DLG2: variants seen among roughly 807,000 people sequenced by gnomAD.
The protein encoded by DLG2 is discs large MAGUK scaffold protein 2, also known as disks large homolog 2.
Under a neutral mutation model 132.5 loss-of-function variants are expected in DLG2, and 45 were observed. The ratio of observed to expected loss-of-function variants is 0.34; its 90% CI spans 0.27 to 0.44. The LOEUF (loss-of-function observed/expected upper bound fraction) is 0.44. Among genes scored for constraint, DLG2 ranks in the 20% least tolerant of loss-of-function variants. The pLI is 1.00. For missense variants in DLG2, 1,045 were observed against 1,196.9 expected (o/e 0.87, Z 1.87); for synonymous variants, 424 against 419.6 (o/e 1.01, Z -0.13).
At chr11:83,535,078 G>A (rs1193821270) in intron 20 of DLG2, among the ~76,000 whole-genome samples, 1 of 152,190 alleles carries the variant, frequency 6.6e-6, no homozygotes, top group Admixed American at 6.5e-5. Flanking sequence ...GCTGCCAAGT[G>A]GAAAATGCTC....
chr11:84,141,420 G>A (rs2094841449), intron 9 of DLG2, among the ~76,000 whole-genome samples: 1 of 151,918 alleles, frequency 6.6e-6, no homozygotes, highest in Admixed American at 6.6e-5. Flanking sequence ...GTTTATACTT[G>A]TATATACATA....
At chr11:83,722,747 A>T (rs1017849615) in intron 18 of DLG2, among the ~76,000 whole-genome samples, 1 of 152,180 alleles carries the variant, frequency 6.6e-6, no homozygotes, top group East Asian at 1.9e-4. Context: ...ACTTTCTTAA[A>T]ATCAGTACAA....
At chr11:85,485,687 G>C (rs555163573) in intron 3 of DLG2, among the ~76,000 whole-genome samples, 3 of 152,154 alleles carry the variant, frequency 2.0e-5, no homozygotes, top group Non-Finnish European at 4.4e-5. Flanking sequence ...CTCACCGCAG[G>C]CTTTTGCATT....
chr11:84,915,670 T>C lies in DLG2; in HGVS notation c.357+195991A>G, dbSNP rs146499711. 3.7e-3 allele frequency among the ~76,000 whole-genome samples: 570 copies of C among 152,296 alleles called. 4 individuals carry two copies. Among genetic ancestry groups the C allele is most frequent in the Non-Finnish European group, 6.0e-3 (410 of 68,022 alleles). On this transcript the variant is annotated intron_variant, in intron 6 of 27. Coordinates refer to ENST00000376104, the MANE Select transcript of DLG2 (RefSeq NM_001142699.3). ...TAATGAACATTAGAGAGGAAATTAA[T>C]TAGAGATTAATTAATTAATCTTAAT...
chr11:85,295,710 T>C lies in DLG2; in HGVS notation c.41-10345A>G, dbSNP rs573569205. On this transcript the variant is annotated intron_variant, in intron 3 of 27. Transcript: ENST00000376104. Reference sequence around the variant, plus strand: ...TCAAACGCATGACTAGAATATCATTTAGAAAATTCTTCAGATCACCAGATG... The same window carrying C: ...TCAAACGCATGACTAGAATATCATTCAGAAAATTCTTCAGATCACCAGATG... Among the ~76,000 whole-genome samples the C allele has an allele frequency of 8.5e-5, 13 of 152,276 alleles. No individual in the cohort carries two copies. In the South Asian group the frequency reaches 2.5e-3, roughly 29 times the overall value.
rs74331061 is a variant in DLG2 at position 83,587,202 on chromosome 11, T to C, written c.1941-45344A>G. On this transcript the variant is annotated intron_variant, in intron 19 of 27. Transcript: ENST00000376104. ...GCTGCTTATAGTTTTTTTTAAATTA[T>C]CTTTTAATGTTTGGCTATAAGCAGC... Among the ~76,000 whole-genome samples the C allele has an allele frequency of 5.7e-3, 863 of 152,260 alleles. 5 individuals carry two copies. The highest frequency in any genetic ancestry group is 0.02 in the African/African-American group (813 of 41,560).
chr11:83,905,737 A>G (rs1375113208), intron 15 of DLG2, among the ~76,000 whole-genome samples: 1 of 152,146 alleles, frequency 6.6e-6, no homozygotes. Context: ...AAATGCCCCA[A>G]TGAACTTTCA....
At chr11:83,684,737 C>A (rs1397889899) in intron 18 of DLG2, among the ~76,000 whole-genome samples, 1 of 152,052 alleles carries the variant, frequency 6.6e-6, no homozygotes, top group Non-Finnish European at 1.5e-5. Flanking sequence ...CAGTGCCTTC[C>A]ACCTACATTT....
chr11:84,035,417 A>C (rs180872455), intron 11 of DLG2, among the ~76,000 whole-genome samples: 110 of 152,340 alleles, frequency 7.2e-4, no homozygotes, highest in African/African-American at 2.4e-3. Context: ...ATGAGGAAAA[A>C]TAAAGCCCTT....
intron 2 of DLG2, among the ~76,000 whole-genome samples, chr11:85,608,118 G>A (rs1002037714): frequency 5.3e-5 from 8 of 152,088 alleles, no homozygotes; most frequent in South Asian, 2.1e-4. Context: ...CTGCTGTGGC[G>A]GTGAGCACAA....
intron 7 of DLG2, among the ~76,000 whole-genome samples, chr11:84,494,261 C>G (rs2099173985): frequency 1.3e-5 from 2 of 152,154 alleles, no homozygotes; most frequent in South Asian, 4.1e-4. Context: ...AAAGAATATG[C>G]TGCCCATGCC....
intron 11 of DLG2, among the ~76,000 whole-genome samples, chr11:84,035,412 GA>G (rs1362334915): frequency 1.3e-5 from 2 of 152,096 alleles, no homozygotes; most frequent in Non-Finnish European, 2.9e-5. Context: ...ATACTATGAG[GA>G]AAAATAAAGC....
At chr11:85,447,758 A>T (rs1027874457) in intron 3 of DLG2, among the ~76,000 whole-genome samples, 2 of 152,206 alleles carry the variant, frequency 1.3e-5, no homozygotes, top group African/African-American at 4.8e-5. Flanking sequence ...CTGAAAAAAA[A>T]ATTATGAAAA....
intron 14 of DLG2, among the ~76,000 whole-genome samples, chr11:83,949,709 T>C (rs2084922462): frequency 6.6e-6 from 1 of 152,196 alleles, no homozygotes; most frequent in African/African-American, 2.4e-5. Flanking sequence ...CCTGCATAAC[T>C]GAAACTTTGT....
chr11:84,293,368 C>T (rs957039176), intron 7 of DLG2, among the ~76,000 whole-genome samples: 2 of 151,910 alleles, frequency 1.3e-5, no homozygotes, highest in African/African-American at 2.4e-5. Context: ...CCCTACTTTT[C>T]AATCACAATT....
intron 3 of DLG2, among the ~76,000 whole-genome samples, chr11:85,464,395 G>A (rs2153063273): frequency 6.6e-6 from 1 of 152,180 alleles, no homozygotes; most frequent in Non-Finnish European, 1.5e-5. Flanking sequence ...GGACAACTTG[G>A]TGGGCATGGG....
intron 3 of DLG2, among the ~76,000 whole-genome samples, chr11:85,357,916 G>A (rs1214607511): frequency 3.3e-5 from 5 of 151,582 alleles, no homozygotes; most frequent in African/African-American, 9.7e-5. Context: ...GTAAACAGAA[G>A]TATTAGGATT....
chr11:84,783,081 A>C (rs1411501093), intron 6 of DLG2, among the ~76,000 whole-genome samples: 3 of 152,132 alleles, frequency 2.0e-5, no homozygotes, highest in Non-Finnish European at 4.4e-5. Flanking sequence ...ATAATATCTA[A>C]AATCTAACAG....
At chr11:84,198,504 CAAGGAAATAAATACT>C (rs2096551775) in intron 8 of DLG2, among the ~76,000 whole-genome samples, 1 of 151,784 alleles carries the variant, frequency 6.6e-6, no homozygotes, top group Non-Finnish European at 1.5e-5. Flanking sequence ...TGGGGAAGCA[CAAGGAAATAAATACT>C]ATTACAATGT....
Sources: gnomAD v4.1 joint callset for allele counts (sites outside exome capture counted in the v4.1 genomes callset) on GRCh38, gnomAD v4.1.1 for gene constraint, MANE v1.5 for transcripts, NCBI Gene and HGNC (gene_info 2026-07-23, HGNC 2026-07-21) for gene names.